The following CRHR1 variants were observed in gnomAD, a reference collection of about 807,000 sequenced individuals.
CRHR1 encodes the protein corticotropin-releasing hormone receptor 1.
In CRHR1, 28 loss-of-function variants were observed where a neutral mutation model predicts 56.0. That is an observed-to-expected ratio of 0.50 (90% CI 0.37 to 0.69). The LOEUF (loss-of-function observed/expected upper bound fraction) is 0.69. Among genes scored for constraint, CRHR1 ranks in the 30% least tolerant of loss-of-function variants. The pLI is 0.00. For missense variants in CRHR1, 376 were observed against 548.0 expected, an observed-to-expected ratio of 0.69 and a Z score of 3.13; for synonymous variants, 195 against 216.5, an observed-to-expected ratio of 0.90 and a Z score of 0.87.
chr17:45,819,098 C>T (rs1452581194), intron 3 of CRHR1, among the ~76,000 whole-genome samples: 1 of 152,170 alleles, frequency 6.6e-6, no homozygotes. Flanking sequence ...CCCACAATAT[C>T]CACCGGTACC....
rs2061306180 is a variant in CRHR1, at chr17:45,784,949, C to T, written c.33+372C>T. ...GACCTCGGCCCCGGGACTGGAGACT[C>T]TGAAGCGGGGTTCCCACCTCGCCCC... is the stretch of plus-strand genomic sequence containing the variant. On this transcript the variant is annotated intron_variant, in intron 1 of 12. Transcript: ENST00000314537. This position sits in a 1 kb window ranked among gnomAD's most constrained non-coding sequence, Gnocchi z 4.2. Among the ~76,000 whole-genome samples the T allele has an allele frequency of 1.3e-5, 2 of 152,150 alleles. No individual in the cohort carries two copies. Among genetic ancestry groups the T allele is most frequent in the African/African-American group, 2.4e-5 (1 of 41,444 alleles).
intron 1 of CRHR1, among the ~76,000 whole-genome samples, chr17:45,793,424 G>A (rs1445618900): frequency 6.6e-6 from 1 of 152,158 alleles, no homozygotes; most frequent in African/African-American, 2.4e-5. Context: ...CTCCAAATGG[G>A]GACTGGGGAG....
intron 3 of CRHR1, among the ~76,000 whole-genome samples, chr17:45,818,157 G>T (rs2061966876): frequency 6.6e-6 from 1 of 152,136 alleles, no homozygotes; most frequent in Non-Finnish European, 1.5e-5. Flanking sequence ...CCACTCCCCA[G>T]CGCCACCGCC....
chr17:45,826,866 T>C (rs2062175555), intron 4 of CRHR1: 1 of 152,288 alleles, frequency 6.6e-6, no homozygotes, highest in Non-Finnish European at 1.5e-5. Context: ...TGATCCCAGC[T>C]ACTCGGGAGG....
chr17:45,802,162 T>C (rs1299438878), intron 1 of CRHR1, among the ~76,000 whole-genome samples: 2 of 152,062 alleles, frequency 1.3e-5, no homozygotes, highest in African/African-American at 4.8e-5. Flanking sequence ...TCATCTCTAC[T>C]GAAAACACAA....
intron 7 of CRHR1, 152 bp downstream of exon 7, chr17:45,830,722 G>C (rs2062286704): frequency 8.3e-7 from 1 of 1,205,880 alleles, no homozygotes; most frequent in African/African-American, 1.5e-5. Context: ...TCCTCTTGGG[G>C]GTGGGCGGCA....
chr17:45,789,955 G>A (rs1269606987), intron 1 of CRHR1, among the ~76,000 whole-genome samples: 1 of 152,216 alleles, frequency 6.6e-6, no homozygotes, highest in South Asian at 2.1e-4. Context: ...CACACAGTAA[G>A]TGCATAATAA....
rs560964248 is a variant in CRHR1, at chr17:45,815,410, T to C, written c.122-1053T>C. Among the ~76,000 whole-genome samples, 4 of 152,202 alleles carry C rather than the reference T, an allele frequency of 2.6e-5. No homozygotes were observed. The South Asian group carries it at 6.2e-4, about 24-fold the overall frequency. On this transcript the variant is annotated intron_variant, in intron 2 of 12. Coordinates refer to ENST00000314537, the MANE Select transcript of CRHR1 (RefSeq NM_004382.5). ...GGGCCTCAACTCTGCCCCAACATCC[T>C]CTCTCTCTCGCGTGCTCTCTCTCTC...
At chr17:45,821,215 C>A in intron 3 of CRHR1, 140 bp from the exon 4 acceptor site, 1 of 754,706 alleles carries the variant, frequency 1.3e-6, no homozygotes, top group East Asian at 2.5e-5. Flanking sequence ...GCCCCTCTCC[C>A]CAGCTTCACT....
chr17:45,807,690 C>T (rs2061744916), intron 2 of CRHR1, among the ~76,000 whole-genome samples: 1 of 152,228 alleles, frequency 6.6e-6, no homozygotes, highest in Admixed American at 6.5e-5. Flanking sequence ...GTTGTGGTCT[C>T]CAGCGCCGTG....
At chr17:45,807,246 C>G (rs2061737299) in intron 2 of CRHR1, 149 bp downstream of exon 2, 3 of 712,102 alleles carry the variant, frequency 4.2e-6, no homozygotes, top group Non-Finnish European at 7.1e-6. Flanking sequence ...TTCTTCACAT[C>G]TCCACCGAGC....
chr17:45,835,200 T>A lies in CRHR1; in HGVS notation c.*436T>A. ...ATCATGGGCAACTCGTGACAGCCTC[T>A]GACTCACCACGATGACGCCTCTGGA... On this transcript the variant is annotated 3_prime_UTR_variant, in exon 13 of 13. Transcript: ENST00000314537. 1 of 182,962 alleles carries A rather than the reference T, an allele frequency of 5.5e-6. No individual in the cohort carries two copies. Among genetic ancestry groups the A allele is most frequent in the Non-Finnish European group, 1.1e-5 (1 of 88,018 alleles). 11.3% of individuals were successfully genotyped at this position (182,962 alleles called of 1,614,324 possible).
At chr17:45,834,152 C>T in intron 12 of CRHR1, 104 bp downstream of exon 12, 4 of 1,412,900 alleles carry the variant, frequency 2.8e-6, no homozygotes, top group Non-Finnish European at 4.0e-6. Context: ...GCCTCTCTCC[C>T]TCCCTGCTCC....
chr17:45,799,779 G>A (rs1170492944), intron 1 of CRHR1: 1 of 152,272 alleles, frequency 6.6e-6, no homozygotes, highest in African/African-American at 2.4e-5. Context: ...CGCCTCCGTG[G>A]AACAGGTGAC....
chr17:45,811,597 G>A (rs1300370104), intron 2 of CRHR1, among the ~76,000 whole-genome samples: 13 of 152,296 alleles, frequency 8.5e-5, no homozygotes, highest in African/African-American at 3.1e-4. Context: ...TACCTGCCCC[G>A]TGAATGAGGG....
chr17:45,803,432 G>C (rs932769037), intron 1 of CRHR1, among the ~76,000 whole-genome samples: 1 of 152,078 alleles, frequency 6.6e-6, no homozygotes, highest in Non-Finnish European at 1.5e-5. Flanking sequence ...TGTTGCCCAG[G>C]CTGGAGTGCA....
intron 8 of CRHR1, 48 bp from the exon 9 acceptor site, chr17:45,833,090 A>G: frequency 6.6e-7 from 1 of 1,517,820 alleles, no homozygotes; most frequent in Non-Finnish European, 9.2e-7. Flanking sequence ...CATGCCATCG[A>G]GGTGGACGCA....
At chr17:45,811,095 C>T (rs760374499) in intron 2 of CRHR1, among the ~76,000 whole-genome samples, 10 of 152,228 alleles carry the variant, frequency 6.6e-5, no homozygotes, top group Non-Finnish European at 1.2e-4. Flanking sequence ...ATGGGAGACC[C>T]GACGTAACTG....
intron 1 of CRHR1, among the ~76,000 whole-genome samples, chr17:45,794,147 G>T (rs866618042): frequency 6.6e-6 from 1 of 152,358 alleles, no homozygotes; most frequent in East Asian, 1.9e-4. Context: ...ACTGGCGTGT[G>T]GTCCTGCTGT....
Sources: gnomAD v4.1 joint callset for allele counts (sites outside exome capture counted in the v4.1 genomes callset) on GRCh38, gnomAD v4.1.1 for gene constraint, Gnocchi (gnomAD v3.1) non-coding constraint, MANE v1.5 for transcripts, NCBI Gene and HGNC (gene_info 2026-07-23, HGNC 2026-07-21) for gene names.